The following CADPS2 variants were observed in gnomAD, a reference collection of about 807,000 sequenced individuals.
CADPS2 encodes calcium-dependent secretion activator 2.
A neutral mutation model predicts 172.5 loss-of-function variants in CADPS2; 93 were observed. The ratio of observed to expected loss-of-function variants is 0.54; its 90% CI spans 0.46 to 0.64. The LOEUF (loss-of-function observed/expected upper bound fraction) is 0.64, where lower values mean the gene tolerates loss of function less well. CADPS2 is among the 30% of genes least tolerant of loss of function. The probability of loss-of-function intolerance (pLI) is 0.00; values close to 1 mark genes in which losing one functional copy is unlikely to be tolerated. For missense variants in CADPS2, 1,420 were observed against 1,565.9 expected (o/e 0.91, Z 1.57); for synonymous variants, 546 against 555.2 (o/e 0.98, Z 0.23).
chr7:122,567,776 A>C (rs2066657198), intron 7 of CADPS2, among the ~76,000 whole-genome samples: 1 of 152,152 alleles, frequency 6.6e-6, no homozygotes, highest in South Asian at 2.1e-4. Flanking sequence ...CTGATGAGTT[A>C]AAACAACATA....
chr7:122,652,455 T>C (rs974481257), intron 3 of CADPS2, among the ~76,000 whole-genome samples: 1 of 152,178 alleles, frequency 6.6e-6, no homozygotes, highest in Non-Finnish European at 1.5e-5. Context: ...CTATCAAATA[T>C]ACAGTTTTAA....
intron 7 of CADPS2, among the ~76,000 whole-genome samples, chr7:122,564,299 C>CTTATTTAT (rs766974397): frequency 1.3e-5 from 2 of 151,898 alleles, no homozygotes; most frequent in Non-Finnish European, 1.5e-5. Context: ...ATGGAAATTT[C>CTTATTTAT]TTATTTATTT....
chr7:122,458,578 C>T (rs2054072982), intron 14 of CADPS2, among the ~76,000 whole-genome samples: 2 of 152,022 alleles, frequency 1.3e-5, no homozygotes. Context: ...GCAAACACTC[C>T]CCCCTTCCTT....
chr7:122,823,015 AGAT>A (rs1803832243), intron 1 of CADPS2, among the ~76,000 whole-genome samples: 1 of 152,168 alleles, frequency 6.6e-6, no homozygotes, highest in Non-Finnish European at 1.5e-5. Flanking sequence ...TCACTAGGTG[AGAT>A]GATATCTCAT....
rs191819869 is a variant in CADPS2 at position 122,355,355 on chromosome 7, C to T, written c.3504+5433G>A. 2.0e-4 allele frequency among the ~76,000 whole-genome samples: 31 copies of T among 152,228 alleles called. 1 individual carries two copies. The highest frequency in any genetic ancestry group is 1.9e-3 in the Admixed American group (29 of 15,280). Reference sequence around the variant, plus strand: ...CAGGACTTTGGGATGCCGAGGCAGGCGGATCACCTGAAGTCAGGAGTTTCA... The same window carrying T: ...CAGGACTTTGGGATGCCGAGGCAGGTGGATCACCTGAAGTCAGGAGTTTCA... On this transcript the variant is annotated intron_variant, in intron 27 of 29. Coordinates refer to ENST00000449022, the MANE Select transcript of CADPS2 (RefSeq NM_017954.11).
At chr7:122,384,057 T>C (rs1027754721) in intron 24 of CADPS2, among the ~76,000 whole-genome samples, 5 of 152,112 alleles carry the variant, frequency 3.3e-5, no homozygotes, top group Non-Finnish European at 7.4e-5. Context: ...TTCTAAACAC[T>C]GAGGTGGCTT....
intron 14 of CADPS2, among the ~76,000 whole-genome samples, chr7:122,463,834 T>C (rs549019407): frequency 1.3e-5 from 2 of 152,300 alleles, no homozygotes; most frequent in African/African-American, 4.8e-5. Flanking sequence ...TGTAAATGGA[T>C]GGTGGAAGTA....
At chr7:122,431,003 T>C (rs1393741885) in intron 17 of CADPS2, among the ~76,000 whole-genome samples, 1 of 152,214 alleles carries the variant, frequency 6.6e-6, no homozygotes, top group Non-Finnish European at 1.5e-5. Context: ...CTGCCATCTA[T>C]AACCTCTGGC....
intron 9 of CADPS2, among the ~76,000 whole-genome samples, chr7:122,506,788 A>T (rs1218850697): frequency 6.6e-6 from 1 of 152,086 alleles, no homozygotes; most frequent in East Asian, 1.9e-4. Context: ...AAAAATGAAT[A>T]AATCTTCAAG....
intron 2 of CADPS2, among the ~76,000 whole-genome samples, chr7:122,703,591 G>A (rs770617563): frequency 6.6e-6 from 1 of 152,126 alleles, no homozygotes; most frequent in Non-Finnish European, 1.5e-5. Context: ...GAAGAAAATA[G>A]AGACGGCCCT....
intron 6 of CADPS2, among the ~76,000 whole-genome samples, chr7:122,586,451 T>C (rs1225574644): frequency 1.3e-5 from 2 of 152,010 alleles, no homozygotes; most frequent in Non-Finnish European, 2.9e-5. Flanking sequence ...ACAGTTTTAA[T>C]TTTCCACATG....
At chr7:122,664,761 T>C (rs1225282047) in intron 2 of CADPS2, among the ~76,000 whole-genome samples, 13 of 152,114 alleles carry the variant, frequency 8.5e-5, no homozygotes, top group Non-Finnish European at 1.9e-4. Context: ...GTTATTGAGC[T>C]TACAGAACAA....
At chr7:122,649,898 A>ATTTTTTTTGTT (rs2078958975) in intron 3 of CADPS2, among the ~76,000 whole-genome samples, 1 of 51,974 alleles carries the variant, frequency 1.9e-5, no homozygotes, top group Non-Finnish European at 3.3e-5. Flanking sequence ...GTATTCAATG[A>ATTTTTTTTGTT]TTTTTTTTTT....
chr7:122,820,850 C>T lies in CADPS2; in HGVS notation c.339+65149G>A, dbSNP rs1286306327. On this transcript the variant is annotated intron_variant, in intron 1 of 29. Transcript: ENST00000449022. ...CTGGGATTACAGGCGTGAGCCACCGCGCCCGGCCGACCTTACTGTTTTAGC... is the reference window on the plus strand; with the variant it reads ...CTGGGATTACAGGCGTGAGCCACCGTGCCCGGCCGACCTTACTGTTTTAGC... 1.6e-5 allele frequency among the ~76,000 whole-genome samples: 2 copies of T among 128,154 alleles called. 1 individual carries two copies. The highest frequency in any genetic ancestry group is 9.0e-3 in the Middle Eastern group (2 of 222). 84.1% of individuals were successfully genotyped at this position (128,154 alleles called of 152,430 possible).
At chr7:122,460,398 T>C (rs2054302676) in intron 14 of CADPS2, among the ~76,000 whole-genome samples, 1 of 151,814 alleles carries the variant, frequency 6.6e-6, no homozygotes, top group Non-Finnish European at 1.5e-5. Flanking sequence ...CACTGAGCCA[T>C]AGACCTAATT....
At chr7:122,712,781 G>T (rs1409821222) in intron 2 of CADPS2, among the ~76,000 whole-genome samples, 1 of 152,078 alleles carries the variant, frequency 6.6e-6, no homozygotes, top group Non-Finnish European at 1.5e-5. Context: ...ATGAGGGCTT[G>T]CTTTCTGGTT....
chr7:122,868,429 C>T (rs1818846946), intron 1 of CADPS2, among the ~76,000 whole-genome samples: 1 of 152,138 alleles, frequency 6.6e-6, no homozygotes, highest in Non-Finnish European at 1.5e-5. Flanking sequence ...AACATTCTAA[C>T]CTCTCCAGCT....
rs576242563 is a variant in CADPS2 at position 122,535,981 on chromosome 7, G to A, written c.1475+18569C>T. 2.6e-5 allele frequency among the ~76,000 whole-genome samples: 4 copies of A among 152,208 alleles called. No individual in the cohort carries two copies. The East Asian group carries it at 7.7e-4, about 29-fold the overall frequency. On this transcript the variant is annotated intron_variant, in intron 8 of 29. Transcript: ENST00000449022. ...AACTGAACTAAGTGGCTGCTGTGAGGCAGTCCTAAACTATCTCCCTACTGG... is the reference window on the plus strand; with the variant it reads ...AACTGAACTAAGTGGCTGCTGTGAGACAGTCCTAAACTATCTCCCTACTGG...
chr7:122,630,680 A>G (rs2076493772), intron 3 of CADPS2, among the ~76,000 whole-genome samples: 1 of 152,178 alleles, frequency 6.6e-6, no homozygotes, highest in East Asian at 1.9e-4. Context: ...TACAAACAAT[A>G]GGTCAGAAAG....
Sources: gnomAD v4.1 joint callset for allele counts (sites outside exome capture counted in the v4.1 genomes callset) on GRCh38, gnomAD v4.1.1 for gene constraint, MANE v1.5 for transcripts, NCBI Gene and HGNC (gene_info 2026-07-23, HGNC 2026-07-21) for gene names.